Variants in RSPH14 observed in about 807,000 individuals in gnomAD.
The protein encoded by RSPH14 is radial spoke head 14 homolog.
RSPH14 carries 20 observed loss-of-function variants against 26.7 expected under a neutral mutation model. The observed-to-expected ratio is 0.75, with a 90% CI of 0.53 to 1.09. RSPH14 has a LOEUF of 1.09. Among genes scored for constraint, RSPH14 ranks in the 50% least tolerant of loss-of-function variants. The pLI is 0.00. For missense variants in RSPH14, 449 were observed against 457.2 expected, an observed-to-expected ratio of 0.98 and a Z score of 0.16; for synonymous variants, 177 against 189.3, an observed-to-expected ratio of 0.93 and a Z score of 0.53.
At chr22:23,158,989 G>A in the RSPH14 span, 23 of 1,613,354 alleles carry the variant, frequency 1.4e-5, no homozygotes, top group Non-Finnish European at 1.8e-5. Context: ...GGTGAGCAGA[G>A]TGGCACTGGT....
the RSPH14 span, chr22:23,158,975 T>C: frequency 1.2e-6 from 2 of 1,614,132 alleles, no homozygotes; most frequent in Admixed American, 3.3e-5. Context: ...AAGAAGGACC[T>C]TCTGGTGAGC....
chr22:23,121,717 T>C (rs2070029670), intron 4 of RSPH14, among the ~76,000 whole-genome samples: 1 of 139,620 alleles, frequency 7.2e-6, no homozygotes, highest in Non-Finnish European at 1.5e-5. Flanking sequence ...GTCAGAAAAG[T>C]TCCTTTTTTT....
chr22:23,145,419 G>A (rs571546121), upstream of RSPH14: 1 of 1,610,274 alleles, frequency 6.2e-7, no homozygotes. Flanking sequence ...CCAGTCCAAC[G>A]CAGACCCCGC....
chr22:23,170,672 G>A, the RSPH14 span, among the ~76,000 whole-genome samples: 287 of 152,156 alleles, frequency 1.9e-3, 2 homozygotes, highest in African/African-American at 6.6e-3. Context: ...GGCGGAGGTT[G>A]CAGTGAGCTG....
intron 4 of RSPH14, chr22:23,095,375 C>T (rs962915671): frequency 1.0e-4 from 34 of 325,570 alleles, no homozygotes; most frequent in Non-Finnish European, 1.4e-4. Context: ...CGGCAGCAGC[C>T]GAGGCAAACA....
the RSPH14 span, chr22:23,159,205 C>G: frequency 6.2e-7 from 1 of 1,609,394 alleles, no homozygotes; most frequent in Non-Finnish European, 8.5e-7. Context: ...CGCTGTGCAC[C>G]TGGCCAGGGA....
intron 4 of RSPH14, among the ~76,000 whole-genome samples, chr22:23,094,099 G>A (rs1217494076): frequency 6.6e-6 from 1 of 152,180 alleles, no homozygotes; most frequent in Non-Finnish European, 1.5e-5. Flanking sequence ...TCTCTGCCTC[G>A]GGCCTTCCCA....
the RSPH14 span, among the ~76,000 whole-genome samples, chr22:23,154,621 C>A: frequency 1.6e-4 from 25 of 152,208 alleles, no homozygotes; most frequent in Non-Finnish European, 3.1e-4. Context: ...GGCCATATCT[C>A]ATTAGAGGGC....
At chr22:23,065,284 C>T (rs1006830399) in intron 4 of RSPH14, among the ~76,000 whole-genome samples, 2 of 152,076 alleles carry the variant, frequency 1.3e-5, no homozygotes, top group East Asian at 1.9e-4. Flanking sequence ...GGTAGAAAGG[C>T]GGAGCAGGGT....
chr22:23,135,209 C>T (rs1200648731), intron 3 of RSPH14, among the ~76,000 whole-genome samples: 3 of 151,344 alleles, frequency 2.0e-5, no homozygotes, highest in Non-Finnish European at 4.4e-5. Context: ...CGCGGTGGCT[C>T]ACGCCTGTAA....
In RSPH14 at chr22:23,063,720, G is replaced by A. The variant is rs560490014; in HGVS notation, c.653+182C>T. On this transcript the variant is annotated intron_variant, in intron 5 of 6. Transcript: ENST00000216036. ...TTCCTGGGATACAGTACACTCCCAG[G>A]CCAACGGGATGGTGGTCACCCTAGG... is the stretch of plus-strand genomic sequence containing the variant. Among the ~76,000 whole-genome samples, 10 of 152,116 alleles carry A rather than the reference G, an allele frequency of 6.6e-5. No homozygotes were observed. The East Asian group carries it at 1.9e-3, about 29-fold the overall frequency.
intron 4 of RSPH14, among the ~76,000 whole-genome samples, chr22:23,117,249 G>GT (rs869089934): frequency 2.8e-5 from 4 of 143,696 alleles, no homozygotes; most frequent in African/African-American, 1.0e-4. Context: ...GGAATGAGAG[G>GT]GGCTGAGCCA....
chr22:23,128,820 A>T (rs1276207403), intron 4 of RSPH14, among the ~76,000 whole-genome samples: 1 of 152,250 alleles, frequency 6.6e-6, no homozygotes, highest in Non-Finnish European at 1.5e-5. Context: ...TTGATCCTTT[A>T]AAGTATGACA....
chr22:23,089,741 G>A (rs764763462), intron 4 of RSPH14, among the ~76,000 whole-genome samples: 21 of 152,176 alleles, frequency 1.4e-4, no homozygotes, highest in East Asian at 5.8e-4. Flanking sequence ...GATCTGTCCC[G>A]AAACCACAGG....
intron 4 of RSPH14, among the ~76,000 whole-genome samples, chr22:23,088,267 C>T (rs1253379521): frequency 2.0e-5 from 3 of 152,214 alleles, no homozygotes; most frequent in South Asian, 2.1e-4. Flanking sequence ...CAGTGCGTTT[C>T]CTCCTGCTGG....
At chr22:23,116,162 C>T (rs2069829703) in intron 4 of RSPH14, among the ~76,000 whole-genome samples, 2 of 152,266 alleles carry the variant, frequency 1.3e-5, no homozygotes, top group Admixed American at 6.5e-5. Context: ...CCATGACCTC[C>T]GTCTCCTCAC....
rs546966153 is a variant in RSPH14, at chr22:23,063,378, G to A, written c.653+524C>T. On this transcript the variant is annotated intron_variant, in intron 5 of 6. Transcript: ENST00000216036. ...GCCTGTCCTCGTGAAAAGGGGCCCAGTGTGAGAACACACACCGCACCCTGC... is the reference window on the plus strand; with the variant it reads ...GCCTGTCCTCGTGAAAAGGGGCCCAATGTGAGAACACACACCGCACCCTGC... Among the ~76,000 whole-genome samples, 4 of 152,342 alleles carry A rather than the reference G, an allele frequency of 2.6e-5. No individual in the cohort carries two copies. In the East Asian group the frequency reaches 5.8e-4, roughly 22 times the overall value.
intron 4 of RSPH14, among the ~76,000 whole-genome samples, chr22:23,115,720 T>C (rs962712565): frequency 2.0e-5 from 3 of 152,216 alleles, no homozygotes; most frequent in East Asian, 1.9e-4. Context: ...CCACCTGAAG[T>C]TGGGGGCCGG....
chr22:23,158,556 C>G, the RSPH14 span, among the ~76,000 whole-genome samples: 1 of 152,226 alleles, frequency 6.6e-6, no homozygotes, highest in African/African-American at 2.4e-5. Context: ...GGGGCATTCA[C>G]ACCCAGCAAC....
Sources: allele counts gnomAD v4.1 joint callset (sites outside exome capture counted in the v4.1 genomes callset), GRCh38; gene constraint gnomAD v4.1.1; transcripts MANE v1.5; gene names NCBI Gene and HGNC (gene_info 2026-07-23, HGNC 2026-07-21).